RXRG: variants seen among roughly 807,000 people sequenced by gnomAD.
RXRG encodes the protein retinoid X receptor gamma, also known as retinoic acid receptor RXR-gamma.
Under a neutral mutation model 49.2 loss-of-function variants are expected in RXRG, and 19 were observed. That is an observed-to-expected ratio of 0.39 (90% CI 0.27 to 0.57). The LOEUF is 0.57. RXRG is among the 20% of genes least tolerant of loss of function. The probability of loss-of-function intolerance (pLI) is 0.64; values close to 1 mark genes in which losing one functional copy is unlikely to be tolerated. For missense variants in RXRG, 452 were observed against 592.5 expected (o/e 0.76, Z 2.46); for synonymous variants, 224 against 216.6 (o/e 1.03, Z -0.30).
At chr1:165,422,393 A>G (rs1658350680) in intron 2 of RXRG, among the ~76,000 whole-genome samples, 2 of 152,258 alleles carry the variant, frequency 1.3e-5, no homozygotes, top group Non-Finnish European at 2.9e-5. Flanking sequence ...GGAATTGGCC[A>G]TTAATGTGAT....
At chr1:165,402,950 C>T (rs76078771) in intron 9 of RXRG, among the ~76,000 whole-genome samples, 4,566 of 152,246 alleles carry the variant, frequency 0.03, 109 homozygotes, top group Non-Finnish European at 0.048. Context: ...CTTACACACA[C>T]GTGCATGCAT....
At chr1:165,409,946 A>T (rs1409737026) in intron 6 of RXRG, among the ~76,000 whole-genome samples, 2 of 104,856 alleles carry the variant, frequency 1.9e-5, no homozygotes, top group Non-Finnish European at 5.0e-5. Context: ...GAAGACAAGG[A>T]TTCTTTTTTT....
rs1375545226 is a variant in RXRG at position 165,438,244 on chromosome 1, T to G, written c.49+6601A>C. 2.0e-5 allele frequency among the ~76,000 whole-genome samples: 3 copies of G among 152,336 alleles called. No individual in the cohort carries two copies. In the South Asian group the frequency reaches 6.2e-4, roughly 32 times the overall value. ...TCTGAAATGCTTCAAAATCCAGAAC[T>G]TTTTGAATGCCAATATCATGCTCAA... On this transcript the variant is annotated intron_variant, in intron 1 of 9. Transcript: ENST00000359842.
chr1:165,400,939 T>C lies in RXRG; in HGVS notation c.*324A>G, dbSNP rs1283921305. 1 of 226,430 alleles carries C rather than the reference T, an allele frequency of 4.4e-6. No individual in the cohort carries two copies. Among genetic ancestry groups the C allele is most frequent in the East Asian group, 1.3e-4 (1 of 7,486 alleles). The allele number at this position is 226,430 out of a possible 1,614,324, so 14.0% of individuals were successfully genotyped here. On this transcript the variant is annotated 3_prime_UTR_variant, in exon 10 of 10. Transcript: ENST00000359842. The stretch of plus-strand genomic sequence containing the variant: ...TCCAGCAGTGCCAATTTCACACATA[T>C]TATTTTATTACTCATTTGTTTGCTT...
At position 165,417,207 on chromosome 1, in the gene RXRG, C is replaced by A; in HGVS notation, c.456G>T (p.Gly152=). ...CTTTGCAGCCTTCACAACTGTATACCCCGTAGTGCTTTCCTGGTTAGAAGA... is the reference window on the plus strand; with the variant it reads ...CTTTGCAGCCTTCACAACTGTATACACCGTAGTGCTTTCCTGGTTAGAAGA... The part of the protein sequence containing the change: ...CGDRSSGKHY[G]VYSCEGCKGF... The change falls in exon 4 of 10, where the codon GGG becomes GGT. Residue 152 remains glycine (G), a synonymous_variant. Coordinates refer to ENST00000359842, the MANE Select transcript of RXRG (RefSeq NM_006917.5). The A allele has an allele frequency of 6.2e-7, 1 of 1,608,368 alleles. No individual in the cohort carries two copies. Among genetic ancestry groups the A allele is most frequent in the Non-Finnish European group, 8.5e-7 (1 of 1,176,734 alleles).
At position 165,420,051 on chromosome 1, in the gene RXRG, G is replaced by A. The variant is rs186865702; in HGVS notation, c.298-37C>T. ...AAAAATACTGTAAAGCACAGAGCCA[G>A]AGTAAATTCAATCCCCAAGGCCTAA... On this transcript the variant is annotated intron_variant, in intron 2 of 9. Transcript: ENST00000359842. The A allele has an allele frequency of 1.9e-3, 2,796 of 1,491,662 alleles. 5 individuals carry two copies. The highest frequency in any genetic ancestry group is 2.4e-3 in the Non-Finnish European group (2,642 of 1,111,992). The allele number at this position is 1,491,662 out of a possible 1,614,324, so 92.4% of individuals were successfully genotyped here.
chr1:165,402,088 A>AG (rs1657592626), intron 9 of RXRG, among the ~76,000 whole-genome samples: 1 of 134,788 alleles, frequency 7.4e-6, no homozygotes, highest in Admixed American at 7.4e-5. Flanking sequence ...AATTGTTACC[A>AG]ATTTTTTTTT....
chr1:165,442,781 T>C (rs1302449322), intron 1 of RXRG, among the ~76,000 whole-genome samples: 3 of 152,184 alleles, frequency 2.0e-5, no homozygotes, highest in Non-Finnish European at 4.4e-5. Flanking sequence ...TTCACAATAC[T>C]CTAAGGATGA....
In RXRG at chr1:165,408,259, C is replaced by T. The variant is rs756873069; in HGVS notation, c.1106G>A (p.Gly369Glu). 1 of 1,614,036 alleles carries T rather than the reference C, an allele frequency of 6.2e-7. No homozygotes were observed. The highest frequency in any genetic ancestry group is 8.5e-7 in the Non-Finnish European group (1 of 1,179,956). Residue 369 changes from glycine to glutamate, a missense_variant, in exon 8 of 10, where the codon GGA becomes GAA. Transcript: ENST00000359842. The stretch of plus-strand genomic sequence containing the variant: ...AAAGAGTACAATGGCTCGCAGGCAT[C>T]CCAGTTCCGACTTGTCCATCTGCAT... ...KDMQMDKSELGCLRAIVLFNP... is the reference protein window; with the variant it reads ...KDMQMDKSELECLRAIVLFNP...
chr1:165,439,933 G>A (rs1279442776), intron 1 of RXRG, among the ~76,000 whole-genome samples: 2 of 152,184 alleles, frequency 1.3e-5, no homozygotes, highest in African/African-American at 4.8e-5. Context: ...TGTCTGAGTG[G>A]CTGTTATGTG....
chr1:165,428,420 G>T (rs1658560975), intron 2 of RXRG, among the ~76,000 whole-genome samples: 2 of 152,208 alleles, frequency 1.3e-5, no homozygotes, highest in Admixed American at 6.5e-5. Flanking sequence ...AAGAATAAAA[G>T]GGGTCCATTC....
chr1:165,401,158 G>T lies in RXRG; in HGVS notation c.*105C>A. 9.6e-7 allele frequency: 1 copy of T among 1,043,378 alleles called. No homozygotes were observed. The highest frequency in any genetic ancestry group is 1.4e-6 in the Non-Finnish European group (1 of 706,076). 64.6% of individuals were successfully genotyped at this position (1,043,378 alleles called of 1,614,324 possible). On this transcript the variant is annotated 3_prime_UTR_variant, in exon 10 of 10. Transcript: ENST00000359842. The stretch of plus-strand genomic sequence containing the variant: ...TTTATTATAAGCATCACATTTTGGG[G>T]ACAGGAAGGGGGTCAGGGTGGGAGG...
chr1:165,406,100 G>A (rs74840448), intron 9 of RXRG, among the ~76,000 whole-genome samples: 6,435 of 152,262 alleles, frequency 0.042, 168 homozygotes, highest in East Asian at 0.072. Context: ...TAGCAGAGAG[G>A]GAAAACTCTT....
intron 4 of RXRG, among the ~76,000 whole-genome samples, chr1:165,411,908 A>G (rs1272335323): frequency 6.6e-6 from 1 of 152,214 alleles, no homozygotes; most frequent in Non-Finnish European, 1.5e-5. Flanking sequence ...GTTAGTTTCC[A>G]TCATCTAGAA....
At chr1:165,408,373 C>T (rs1414070462) in intron 7 of RXRG, 55 bp from the exon 8 acceptor site, 2 of 1,351,698 alleles carry the variant, frequency 1.5e-6, no homozygotes, top group Non-Finnish European at 1.1e-6. Context: ...AGGCCAAGAG[C>T]CAATAAAATG....
At chr1:165,413,943 T>C (rs1658039800) in intron 4 of RXRG, among the ~76,000 whole-genome samples, 1 of 152,226 alleles carries the variant, frequency 6.6e-6, no homozygotes, top group Non-Finnish European at 1.5e-5. Flanking sequence ...CCTACCCCAA[T>C]TCCATCTCTT....
At chr1:165,413,234 G>T (rs938075644) in intron 4 of RXRG, among the ~76,000 whole-genome samples, 1 of 152,072 alleles carries the variant, frequency 6.6e-6, no homozygotes, top group African/African-American at 2.4e-5. Context: ...ACACATCAGG[G>T]TACATCCAGG....
intron 1 of RXRG, among the ~76,000 whole-genome samples, chr1:165,436,769 C>T (rs1157060131): frequency 1.3e-5 from 2 of 152,164 alleles, no homozygotes; most frequent in East Asian, 1.9e-4. Flanking sequence ...TCCATTTCCT[C>T]AAATGCAAAT....
intron 1 of RXRG, among the ~76,000 whole-genome samples, chr1:165,430,603 G>A (rs767559891): frequency 6.6e-6 from 1 of 152,180 alleles, no homozygotes; most frequent in Non-Finnish European, 1.5e-5. Flanking sequence ...AGGGACAATT[G>A]CCTCATAAAC....
Sources: allele counts gnomAD v4.1 joint callset (sites outside exome capture counted in the v4.1 genomes callset), GRCh38; gene constraint gnomAD v4.1.1; transcripts MANE v1.5; gene names NCBI Gene and HGNC (gene_info 2026-07-23, HGNC 2026-07-21).